MAGI1: variants seen among roughly 807,000 people sequenced by gnomAD.
The protein encoded by MAGI1 is membrane associated guanylate kinase, WW and PDZ domain containing 1, also known as membrane-associated guanylate kinase, WW and PDZ domain-containing protein 1.
In MAGI1, 58 loss-of-function variants were observed where a neutral mutation model predicts 139.9. That is an observed-to-expected ratio of 0.41 (90% CI 0.34 to 0.52). The LOEUF is 0.52. Ranked by LOEUF, MAGI1 falls within the 20% of genes least tolerant of loss-of-function variation. The pLI, the probability that MAGI1 is intolerant of heterozygous loss-of-function variation, is 0.12. For synonymous variants in MAGI1, 812 were observed against 737.9 expected (o/e 1.10, Z -1.63); for missense variants, 1,874 against 1,901.6 (o/e 0.99, Z 0.27).
intron 1 of MAGI1, among the ~76,000 whole-genome samples, chr3:66,031,444 T>A (rs559785356): frequency 6.6e-6 from 1 of 152,266 alleles, no homozygotes; most frequent in Admixed American, 6.5e-5. Flanking sequence ...GGGTAATGAA[T>A]GCCAAGAAAC....
chr3:65,810,666 G>T (rs989577827), intron 1 of MAGI1, among the ~76,000 whole-genome samples: 2 of 152,228 alleles, frequency 1.3e-5, no homozygotes, highest in Non-Finnish European at 2.9e-5. Context: ...GATGATGGCA[G>T]CTCTCCCTTG....
At chr3:65,594,410 C>T (rs964687991) in intron 2 of MAGI1, among the ~76,000 whole-genome samples, 5 of 152,178 alleles carry the variant, frequency 3.3e-5, no homozygotes, top group African/African-American at 1.2e-4. Flanking sequence ...AACTTGTCAA[C>T]AAGACCGAGG....
At chr3:65,590,643 A>G (rs2081927122) in intron 2 of MAGI1, among the ~76,000 whole-genome samples, 1 of 152,184 alleles carries the variant, frequency 6.6e-6, no homozygotes, top group African/African-American at 2.4e-5. Flanking sequence ...TGCTTGAACA[A>G]TGCTGAATAT....
chr3:65,897,546 A>G (rs1214005199), intron 1 of MAGI1, among the ~76,000 whole-genome samples: 6 of 152,078 alleles, frequency 3.9e-5, no homozygotes, highest in Non-Finnish European at 7.4e-5. Flanking sequence ...CAGCAAACCA[A>G]CATGGCACAT....
At chr3:65,857,499 CA>C (rs1165603389) in intron 1 of MAGI1, among the ~76,000 whole-genome samples, 1 of 152,180 alleles carries the variant, frequency 6.6e-6, no homozygotes, top group African/African-American at 2.4e-5. Context: ...CCAAATCACA[CA>C]GAAGAAAACA....
intron 2 of MAGI1, among the ~76,000 whole-genome samples, chr3:65,563,667 T>A (rs920657060): frequency 6.6e-6 from 1 of 152,126 alleles, no homozygotes; most frequent in African/African-American, 2.4e-5. Flanking sequence ...CAACCTGGAT[T>A]TGAACCCAGA....
intron 1 of MAGI1, among the ~76,000 whole-genome samples, chr3:65,858,659 G>A (rs1462957444): frequency 6.6e-6 from 1 of 152,172 alleles, no homozygotes; most frequent in East Asian, 1.9e-4. Flanking sequence ...GGAGGAGGAA[G>A]ATAGCCTTGT....
intron 1 of MAGI1, among the ~76,000 whole-genome samples, chr3:65,729,858 C>T (rs1336586559): frequency 6.6e-6 from 1 of 152,176 alleles, no homozygotes; most frequent in Admixed American, 6.5e-5. Context: ...AAAGGCAGAA[C>T]ATTAAAATCA....
intron 1 of MAGI1, among the ~76,000 whole-genome samples, chr3:65,652,954 C>G (rs569392919): frequency 6.6e-6 from 1 of 152,080 alleles, no homozygotes; most frequent in African/African-American, 2.4e-5. Flanking sequence ...AAAATATGAC[C>G]ACCTATTAGC....
At chr3:65,415,565 C>T (rs139735453) in intron 12 of MAGI1, among the ~76,000 whole-genome samples, 3 of 152,298 alleles carry the variant, frequency 2.0e-5, no homozygotes, top group East Asian at 1.9e-4. Flanking sequence ...ACTGCCACTC[C>T]GTTACTGAGG....
chr3:65,998,598 C>G (rs2066579134), intron 1 of MAGI1, among the ~76,000 whole-genome samples: 1 of 152,180 alleles, frequency 6.6e-6, no homozygotes, highest in Non-Finnish European at 1.5e-5. Context: ...CAAGACTAAT[C>G]TGTTAGGCCT....
intron 1 of MAGI1, among the ~76,000 whole-genome samples, chr3:66,010,090 A>C (rs2067246689): frequency 6.6e-6 from 1 of 150,636 alleles, no homozygotes; most frequent in African/African-American, 2.4e-5. Context: ...AAAAAAAAAA[A>C]AAAAAAAAAA....
chr3:65,789,432 A>C (rs1328406782), intron 1 of MAGI1, among the ~76,000 whole-genome samples: 1 of 152,172 alleles, frequency 6.6e-6, no homozygotes, highest in African/African-American at 2.4e-5. Flanking sequence ...TCCCCACTAC[A>C]TTCTACAGTT....
intron 14 of MAGI1, among the ~76,000 whole-genome samples, chr3:65,388,539 T>C (rs761466729): frequency 1.5e-4 from 23 of 151,976 alleles, no homozygotes; most frequent in Non-Finnish European, 2.6e-4. Context: ...TAAAGAAAAA[T>C]ACTGATTCAA....
intron 1 of MAGI1, among the ~76,000 whole-genome samples, chr3:65,843,329 C>T (rs986937576): frequency 1.3e-5 from 2 of 152,172 alleles, no homozygotes; most frequent in African/African-American, 4.8e-5. Flanking sequence ...GAGATTCCCC[C>T]ACCATCCCAG....
chr3:65,591,447 C>T (rs564425607), intron 2 of MAGI1, among the ~76,000 whole-genome samples: 1 of 152,236 alleles, frequency 6.6e-6, no homozygotes, highest in East Asian at 1.9e-4. Context: ...CTGGTCTGGC[C>T]ACTATAATCT....
At chr3:65,466,223 T>G (rs1351021644) in intron 5 of MAGI1, among the ~76,000 whole-genome samples, 1 of 152,248 alleles carries the variant, frequency 6.6e-6, no homozygotes, top group African/African-American at 2.4e-5. Flanking sequence ...CTAACAGTGC[T>G]GTTATCGCTG....
chr3:65,813,761 A>G (rs2041430871), intron 1 of MAGI1, among the ~76,000 whole-genome samples: 1 of 152,252 alleles, frequency 6.6e-6, no homozygotes, highest in Admixed American at 6.5e-5. Flanking sequence ...AATGGTATTT[A>G]TAATAGGGAG....
chr3:65,732,926 T>C (rs1576928068), intron 1 of MAGI1, among the ~76,000 whole-genome samples: 1 of 152,202 alleles, frequency 6.6e-6, no homozygotes, highest in Non-Finnish European at 1.5e-5. Flanking sequence ...CAGGGAATGA[T>C]GAGGACTGTG....
Sources: gnomAD v4.1 joint callset for allele counts (sites outside exome capture counted in the v4.1 genomes callset) on GRCh38, gnomAD v4.1.1 for gene constraint, MANE v1.5 for transcripts, NCBI Gene and HGNC (gene_info 2026-07-23, HGNC 2026-07-21) for gene names.